The following TMTC2 variants were observed in gnomAD, a reference collection of about 807,000 sequenced individuals.
The protein encoded by TMTC2 is transmembrane O-mannosyltransferase targeting cadherins 2.
Under a neutral mutation model 82.4 loss-of-function variants are expected in TMTC2, and 43 were observed. That is an observed-to-expected ratio of 0.52 (90% CI 0.41 to 0.67). The LOEUF (loss-of-function observed/expected upper bound fraction) is 0.67. Among genes scored for constraint, TMTC2 ranks in the 30% least tolerant of loss-of-function variants. TMTC2 has a pLI of 0.00. For synonymous variants in TMTC2, 408 were observed against 381.9 expected (o/e 1.07, Z -0.80); for missense variants, 919 against 1,012.4 (o/e 0.91, Z 1.25).
chr12:82,752,147 C>CTT lies in TMTC2; in HGVS notation c.83+64496_83+64497dup, dbSNP rs1555182219. ...ATGTTTTTATATTTATTGGAAGCTC[C>CTT]TTTTTTTTTTTTTTTTTTTCTGAAG... On this transcript the variant is annotated intron_variant, in intron 1 of 11. Transcript: ENST00000321196. 7.2e-4 allele frequency among the ~76,000 whole-genome samples: 99 copies of CTT among 137,714 alleles called. 4 individuals are homozygous for CTT. The highest frequency in any genetic ancestry group is 2.3e-3 in the East Asian group (11 of 4,778). The allele number at this position is 137,714 out of a possible 152,430, so 90.3% of individuals were successfully genotyped here.
chr12:83,026,961 C>T (rs1050316694), intron 8 of TMTC2, among the ~76,000 whole-genome samples: 1 of 152,060 alleles, frequency 6.6e-6, no homozygotes. Flanking sequence ...GAATATTTCT[C>T]TTACATTTAT....
chr12:82,721,401 ATTGTTTTTTTAATT>A (rs1874199429), intron 1 of TMTC2, among the ~76,000 whole-genome samples: 1 of 152,128 alleles, frequency 6.6e-6, no homozygotes, highest in African/African-American at 2.4e-5. Context: ...AATAGTTTAA[ATTGTTTTTTTAATT>A]TTGTTTTTTT....
At chr12:82,785,155 G>C (rs1878115607) in intron 1 of TMTC2, among the ~76,000 whole-genome samples, 1 of 152,032 alleles carries the variant, frequency 6.6e-6, no homozygotes. Context: ...CCTCTCTTTA[G>C]ACCCGGAAGC....
At chr12:83,099,042 G>A (rs1884125256) in intron 11 of TMTC2, among the ~76,000 whole-genome samples, 1 of 152,190 alleles carries the variant, frequency 6.6e-6, no homozygotes, top group South Asian at 2.1e-4. Context: ...GCATGAGAGA[G>A]AAAGAGATAT....
chr12:83,100,225 G>A (rs1176889197), intron 11 of TMTC2, among the ~76,000 whole-genome samples: 5 of 151,948 alleles, frequency 3.3e-5, no homozygotes, highest in Admixed American at 6.6e-5. Context: ...GGGCCTTCTC[G>A]GAGTTTTTCA....
chr12:82,872,615 AT>A (rs1414572733), intron 2 of TMTC2, among the ~76,000 whole-genome samples: 3 of 152,172 alleles, frequency 2.0e-5, no homozygotes, highest in East Asian at 1.9e-4. Context: ...ATTCAGATAA[AT>A]TTTTTTCCTG....
chr12:83,044,429 A>T (rs1274091601), intron 9 of TMTC2, among the ~76,000 whole-genome samples: 1 of 152,202 alleles, frequency 6.6e-6, no homozygotes, highest in African/African-American at 2.4e-5. Flanking sequence ...TGTGCTGATC[A>T]TAGCAAGCTG....
At chr12:82,946,093 G>A (rs1876977101) in intron 4 of TMTC2, among the ~76,000 whole-genome samples, 1 of 152,108 alleles carries the variant, frequency 6.6e-6, no homozygotes, top group South Asian at 2.1e-4. Flanking sequence ...CAACCCATCT[G>A]CCTCTCTCAG....
intron 9 of TMTC2, among the ~76,000 whole-genome samples, chr12:83,035,401 G>A (rs1332947381): frequency 6.6e-6 from 1 of 152,056 alleles, no homozygotes; most frequent in Non-Finnish European, 1.5e-5. Flanking sequence ...TGTGCTGTGT[G>A]GTACCTATAG....
rs1885384541 is a variant in TMTC2, at chr12:83,134,817, G to T, written c.*2428G>T. 6.6e-6 allele frequency: 1 copy of T among 152,128 alleles called. No homozygotes were observed. The highest frequency in any genetic ancestry group is 1.5e-5 in the Non-Finnish European group (1 of 68,006). 9.4% of individuals were successfully genotyped at this position (152,128 alleles called of 1,614,324 possible). On this transcript the variant is annotated 3_prime_UTR_variant, in exon 12 of 12. Transcript: ENST00000321196. ...CCTTTTGTAGAAATAATTGTTTTATGTGCCAGAGAATTTCAATTTTGTTTT... is the reference window on the plus strand; with the variant it reads ...CCTTTTGTAGAAATAATTGTTTTATTTGCCAGAGAATTTCAATTTTGTTTT...
At chr12:83,118,698 G>A (rs1215806648) in intron 11 of TMTC2, among the ~76,000 whole-genome samples, 1 of 152,114 alleles carries the variant, frequency 6.6e-6, no homozygotes, top group Non-Finnish European at 1.5e-5. Context: ...AATGAATTAA[G>A]GAGGCTTCGC....
chr12:83,125,929 CT>C (rs1215135461), intron 11 of TMTC2, among the ~76,000 whole-genome samples: 4 of 152,120 alleles, frequency 2.6e-5, no homozygotes, highest in Admixed American at 2.6e-4. Flanking sequence ...CAAAGATCCC[CT>C]GTGACCCCAC....
intron 4 of TMTC2, among the ~76,000 whole-genome samples, chr12:82,937,795 TACAC>T (rs59765069): frequency 0.016 from 477 of 28,962 alleles, 18 homozygotes; most frequent in African/African-American, 0.04. Flanking sequence ...TATATATATA[TACAC>T]ACATATATAT....
At chr12:82,817,639 CT>C (rs766009850) in intron 1 of TMTC2, among the ~76,000 whole-genome samples, 7 of 152,108 alleles carry the variant, frequency 4.6e-5, no homozygotes, top group Non-Finnish European at 7.4e-5. Context: ...TCATTTGTGT[CT>C]TTAGTCATTA....
intron 11 of TMTC2, among the ~76,000 whole-genome samples, chr12:83,123,848 C>G (rs1885028041): frequency 6.6e-6 from 1 of 152,188 alleles, no homozygotes; most frequent in Non-Finnish European, 1.5e-5. Context: ...CTGAAGCAAC[C>G]TAACAATTCT....
intron 1 of TMTC2, among the ~76,000 whole-genome samples, chr12:82,709,679 A>G (rs534896567): frequency 3.0e-4 from 45 of 152,106 alleles, no homozygotes; most frequent in South Asian, 8.3e-4. Flanking sequence ...ATTCAATGAA[A>G]AAAACAAAAA....
intron 1 of TMTC2, among the ~76,000 whole-genome samples, chr12:82,779,978 A>G (rs973393490): frequency 1.3e-5 from 2 of 152,144 alleles, no homozygotes; most frequent in African/African-American, 4.8e-5. Flanking sequence ...TTCGACTGCT[A>G]CTTCAAGAGT....
chr12:83,023,276 ATGT>A (rs975473220), intron 8 of TMTC2, among the ~76,000 whole-genome samples: 10 of 152,246 alleles, frequency 6.6e-5, no homozygotes, highest in Admixed American at 1.3e-4. Context: ...AACCGAATAC[ATGT>A]TTCTTTAGAA....
intron 1 of TMTC2, among the ~76,000 whole-genome samples, chr12:82,816,969 T>G (rs1010626185): frequency 8.0e-6 from 1 of 124,296 alleles, no homozygotes; most frequent in Non-Finnish European, 1.8e-5. Context: ...TCTTTCTTTG[T>G]TTTTTTTTTT....
Sources: gnomAD v4.1 joint callset for allele counts (sites outside exome capture counted in the v4.1 genomes callset) on GRCh38, gnomAD v4.1.1 for gene constraint, MANE v1.5 for transcripts, NCBI Gene and HGNC (gene_info 2026-07-23, HGNC 2026-07-21) for gene names.